SLC4A5: variants seen among roughly 807,000 people sequenced by gnomAD.
The protein encoded by SLC4A5 is electrogenic sodium bicarbonate cotransporter 4.
SLC4A5 carries 96 observed loss-of-function variants against 120.4 expected under a neutral mutation model. The observed-to-expected ratio is 0.80, with a 90% CI of 0.68 to 0.94. The LOEUF is 0.94. SLC4A5 is among the 40% of genes least tolerant of loss of function. The pLI is 0.00. For synonymous variants in SLC4A5, 550 were observed against 571.1 expected (o/e 0.96, Z 0.53); for missense variants, 1,259 against 1,459.5 (o/e 0.86, Z 2.24).
In SLC4A5 at chr2:74,315,042, A is replaced by ATGT. The variant is rs1672921392; in HGVS notation, c.-2-18_-2-17insACA. ...CCTTCATGACTATAAAGTAAAAGGA[A>ATGT]CACAGCCTCAAAATGTATACATTAA... On this transcript the variant is annotated splice_polypyrimidine_tract_variant and intron_variant, in intron 5 of 30. Coordinates refer to ENST00000394019, the Ensembl canonical transcript of SLC4A5. 2 of 1,599,420 alleles carry ATGT rather than the reference A, an allele frequency of 1.3e-6. No individual in the cohort carries two copies. The highest frequency in any genetic ancestry group is 4.5e-5 in the East Asian group (2 of 44,812).
intron 25 of SLC4A5, among the ~76,000 whole-genome samples, chr2:74,229,772 G>A (rs1298719920): frequency 6.6e-6 from 1 of 152,034 alleles, no homozygotes; most frequent in Non-Finnish European, 1.5e-5. Context: ...TTACTGCTCG[G>A]GTATGCCCAG....
chr2:74,330,195 AG>A (rs996725755), intron 4 of SLC4A5, among the ~76,000 whole-genome samples: 1 of 149,136 alleles, frequency 6.7e-6, no homozygotes, highest in African/African-American at 2.5e-5. Context: ...TGTGTGATAT[AG>A]GTGTAGGTGA....
At chr2:74,267,715 G>T (rs1236213266) in intron 8 of SLC4A5, among the ~76,000 whole-genome samples, 2 of 152,212 alleles carry the variant, frequency 1.3e-5, no homozygotes, top group East Asian at 3.8e-4. Context: ...GTCTGGTTAG[G>T]CTGGGTGAGG....
chr2:74,247,432 G>C, intron 18 of SLC4A5, 125 bp from the exon 19 acceptor site: 1 of 990,336 alleles, frequency 1.0e-6, no homozygotes, highest in Non-Finnish European at 1.5e-6. Context: ...CAGGGACTGT[G>C]AAAGACTGGG....
At chr2:74,271,432 G>A (rs768720984) in intron 8 of SLC4A5, among the ~76,000 whole-genome samples, 4 of 152,086 alleles carry the variant, frequency 2.6e-5, no homozygotes, top group African/African-American at 7.2e-5. Flanking sequence ...GAATAAAAAC[G>A]GGTGGGATCC....
chr2:74,236,394 C>T (rs1670269771), intron 21 of SLC4A5, among the ~76,000 whole-genome samples: 1 of 152,060 alleles, frequency 6.6e-6, no homozygotes. Context: ...TTAGCTTTGG[C>T]TAATATCTCT....
At chr2:74,320,645 T>C (rs2104314168) in intron 5 of SLC4A5, among the ~76,000 whole-genome samples, 1 of 152,232 alleles carries the variant, frequency 6.6e-6, no homozygotes, top group South Asian at 2.1e-4. Context: ...AGGAAGTGAC[T>C]GAAGGAGGAA....
At chr2:74,243,088 G>C (rs984568123) in intron 19 of SLC4A5, among the ~76,000 whole-genome samples, 1 of 152,212 alleles carries the variant, frequency 6.6e-6, no homozygotes, top group Non-Finnish European at 1.5e-5. Flanking sequence ...GGAACCCAAA[G>C]GTGCTGCTCT....
intron 7 of SLC4A5, 100 bp downstream of exon 7, chr2:74,304,389 C>T (rs538793843): frequency 4.4e-5 from 54 of 1,232,176 alleles, no homozygotes; most frequent in Admixed American, 2.1e-4. Flanking sequence ...CCATGTGGAG[C>T]GTTACCCACA....
chr2:74,233,623 C>A, intron 22 of SLC4A5, 60 bp from the exon 23 acceptor site: 1 of 1,512,920 alleles, frequency 6.6e-7, no homozygotes, highest in South Asian at 1.3e-5. Context: ...GGGCACTTGT[C>A]GCCTGGCCTG....
Position 74,225,002 on chromosome 2 carries a change from T to C in SLC4A5, c.3091-7A>G. ...CGATGATGAGGCCCAGGATCTGTGGTGGAGAGAGACTAAAGTTTTGTGAGA... is the reference window on the plus strand; with the variant it reads ...CGATGATGAGGCCCAGGATCTGTGGCGGAGAGAGACTAAAGTTTTGTGAGA... On this transcript the variant is annotated splice_region_variant and splice_polypyrimidine_tract_variant and intron_variant, in intron 27 of 30. Coordinates refer to ENST00000394019, the Ensembl canonical transcript of SLC4A5. 4 of 1,605,670 alleles carry C rather than the reference T, an allele frequency of 2.5e-6. No homozygotes were observed. The highest frequency in any genetic ancestry group is 3.4e-6 in the Non-Finnish European group (4 of 1,178,074).
At chr2:74,279,406 C>T (rs1038309041) in intron 8 of SLC4A5, among the ~76,000 whole-genome samples, 1 of 152,128 alleles carries the variant, frequency 6.6e-6, no homozygotes, top group Admixed American at 6.5e-5. Flanking sequence ...GGACAAAGCC[C>T]TCCTTCCATT....
intron 5 of SLC4A5, among the ~76,000 whole-genome samples, chr2:74,320,215 T>A (rs541717450): frequency 1.3e-5 from 2 of 151,940 alleles, no homozygotes; most frequent in South Asian, 4.2e-4. Context: ...GATAAAAAAA[T>A]AGTGGAGAGA....
intron 14 of SLC4A5, 43 bp downstream of exon 14, chr2:74,254,576 G>A (rs1472367104): frequency 2.0e-6 from 3 of 1,475,810 alleles, no homozygotes; most frequent in Non-Finnish European, 2.8e-6. Context: ...CTTGGTGCAG[G>A]AGCTGTAAAA....
chr2:74,235,186 A>G (rs754821028), exon 22 of SLC4A5: 3 of 1,614,112 alleles, frequency 1.9e-6, no homozygotes, highest in Non-Finnish European at 2.5e-6. Context: ...GGAGAAAACA[A>G]TGGAAAAGTC....
In SLC4A5 at chr2:74,270,752, G is replaced by A. The variant is rs148762764; in HGVS notation, c.402-5488C>T. 9.3e-4 allele frequency among the ~76,000 whole-genome samples: 142 copies of A among 152,276 alleles called. 1 individual carries two copies. The highest frequency in any genetic ancestry group is 3.2e-3 in the African/African-American group (132 of 41,556). On this transcript the variant is annotated intron_variant, in intron 8 of 30. Coordinates refer to ENST00000394019, the Ensembl canonical transcript of SLC4A5. Reference sequence around the variant, plus strand: ...GGGTGACCCTGCCATGGAAACTCCCGGGTTATCTGACTGCACCCTGTGGGT... The same window carrying A: ...GGGTGACCCTGCCATGGAAACTCCCAGGTTATCTGACTGCACCCTGTGGGT...
intron 1 of SLC4A5, 72 bp downstream of exon 1, chr2:74,343,284 T>G (rs1056535745): frequency 6.6e-6 from 1 of 152,196 alleles, no homozygotes; most frequent in Admixed American, 6.5e-5. Context: ...ATTCAGTTGG[T>G]TCACTCACAT....
intron 5 of SLC4A5, among the ~76,000 whole-genome samples, chr2:74,319,761 T>C (rs1673051978): frequency 6.6e-6 from 1 of 152,138 alleles, no homozygotes; most frequent in Non-Finnish European, 1.5e-5. Flanking sequence ...GATCTGTAAA[T>C]AATAAATTTC....
chr2:74,231,732 A>G (rs1670094257), intron 24 of SLC4A5, among the ~76,000 whole-genome samples: 1 of 152,182 alleles, frequency 6.6e-6, no homozygotes, highest in Non-Finnish European at 1.5e-5. Flanking sequence ...TGATTTTAAG[A>G]TTTCGTTTTT....
Sources: allele counts gnomAD v4.1 joint callset (sites outside exome capture counted in the v4.1 genomes callset), GRCh38; gene constraint gnomAD v4.1.1; transcripts MANE v1.5; gene names NCBI Gene and HGNC (gene_info 2026-07-23, HGNC 2026-07-21).